The following GPATCH2 variants were observed in gnomAD, a reference collection of about 807,000 sequenced individuals.
GPATCH2 encodes the protein G-patch domain containing 2, also known as G patch domain-containing protein 2.
In GPATCH2, 51 loss-of-function variants were observed where a neutral mutation model predicts 58.0. The ratio of observed to expected loss-of-function variants is 0.88; its 90% CI spans 0.70 to 1.11. The LOEUF is 1.11. Among genes scored for constraint, GPATCH2 ranks in the 50% most tolerant of loss-of-function variants. GPATCH2 has a pLI of 0.00. For synonymous variants in GPATCH2, 222 were observed against 218.5 expected (o/e 1.02, Z -0.14); for missense variants, 625 against 652.2 (o/e 0.96, Z 0.45).
At chr1:217,447,576 G>A (rs1209120146) in intron 9 of GPATCH2, among the ~76,000 whole-genome samples, 1 of 152,096 alleles carries the variant, frequency 6.6e-6, no homozygotes, top group Non-Finnish European at 1.5e-5. Flanking sequence ...TACACAGTAG[G>A]TACTCAACAA....
intron 5 of GPATCH2, among the ~76,000 whole-genome samples, chr1:217,600,949 AC>A (rs774846001): frequency 3.3e-5 from 5 of 152,194 alleles, no homozygotes; most frequent in Non-Finnish European, 7.4e-5. Context: ...TCCATAGATC[AC>A]ATATATCTCG....
intron 5 of GPATCH2, among the ~76,000 whole-genome samples, chr1:217,522,455 T>C (rs1482680060): frequency 1.3e-5 from 2 of 152,138 alleles, no homozygotes; most frequent in East Asian, 3.9e-4. Flanking sequence ...CCGTCCAGTT[T>C]TAGTAACAAG....
chr1:217,579,528 T>C (rs1666960846), intron 5 of GPATCH2, among the ~76,000 whole-genome samples: 2 of 152,178 alleles, frequency 1.3e-5, no homozygotes, highest in Admixed American at 6.6e-5. Context: ...ATGTTCAAAC[T>C]GCAGCAGTAA....
intron 8 of GPATCH2, among the ~76,000 whole-genome samples, chr1:217,482,129 G>A (rs1010499274): frequency 6.6e-6 from 1 of 152,106 alleles, no homozygotes; most frequent in South Asian, 2.1e-4. Flanking sequence ...TGGAAGTCAG[G>A]CACCTCAGTT....
intron 9 of GPATCH2, among the ~76,000 whole-genome samples, chr1:217,434,581 C>A (rs1306566478): frequency 6.6e-6 from 1 of 152,188 alleles, no homozygotes; most frequent in Non-Finnish European, 1.5e-5. Context: ...TCTATTGCTG[C>A]TCTGGGCTAT....
At chr1:217,474,167 A>G (rs1044301650) in intron 8 of GPATCH2, among the ~76,000 whole-genome samples, 1 of 152,220 alleles carries the variant, frequency 6.6e-6, no homozygotes, top group African/African-American at 2.4e-5. Context: ...ATAGTGAAGC[A>G]TGAGAAGCAA....
intron 5 of GPATCH2, among the ~76,000 whole-genome samples, chr1:217,563,464 A>T (rs906489480): frequency 1.3e-5 from 2 of 152,154 alleles, no homozygotes; most frequent in Admixed American, 1.3e-4. Context: ...GAGACAGAAA[A>T]AACCTAGAGG....
intron 9 of GPATCH2, among the ~76,000 whole-genome samples, chr1:217,432,997 GA>G (rs1240305461): frequency 5.3e-5 from 8 of 152,102 alleles, no homozygotes; most frequent in African/African-American, 1.9e-4. Flanking sequence ...GACAGAGGTT[GA>G]AATGGTCAGC....
intron 1 of GPATCH2, among the ~76,000 whole-genome samples, chr1:217,623,225 C>T (rs1669288243): frequency 6.6e-6 from 1 of 151,918 alleles, no homozygotes; most frequent in African/African-American, 2.4e-5. Flanking sequence ...GGGTGAATGG[C>T]CAGTTCAAAA....
chr1:217,537,080 T>C (rs1227704306), intron 5 of GPATCH2, among the ~76,000 whole-genome samples: 1 of 152,212 alleles, frequency 6.6e-6, no homozygotes, highest in Non-Finnish European at 1.5e-5. Context: ...AAATTCAGTA[T>C]TTTCTCTAAA....
At chr1:217,571,519 A>G (rs907360261) in intron 5 of GPATCH2, among the ~76,000 whole-genome samples, 3 of 151,904 alleles carry the variant, frequency 2.0e-5, no homozygotes, top group African/African-American at 7.3e-5. Context: ...CATTAAAAAA[A>G]AAAAGCATAT....
chr1:217,491,094 C>A (rs776332785), intron 8 of GPATCH2, among the ~76,000 whole-genome samples: 1 of 152,146 alleles, frequency 6.6e-6, no homozygotes, highest in Non-Finnish European at 1.5e-5. Context: ...GGCAGTTTTT[C>A]TAATCAACAT....
intron 1 of GPATCH2, among the ~76,000 whole-genome samples, chr1:217,627,139 T>A (rs994639128): frequency 1.3e-5 from 2 of 152,100 alleles, no homozygotes; most frequent in Admixed American, 6.5e-5. Context: ...AAAATCTGCA[T>A]AATTTCTACC....
chr1:217,621,970 C>T (rs1165287760), intron 1 of GPATCH2, among the ~76,000 whole-genome samples: 2 of 152,216 alleles, frequency 1.3e-5, no homozygotes, highest in Non-Finnish European at 2.9e-5. Context: ...GCCGAAAGAT[C>T]TCTGTCACAA....
intron 5 of GPATCH2, among the ~76,000 whole-genome samples, chr1:217,544,177 T>C (rs1442733731): frequency 6.6e-6 from 1 of 152,136 alleles, no homozygotes; most frequent in Non-Finnish European, 1.5e-5. Context: ...GGCGGATCAC[T>C]CGAGGTCAAG....
At chr1:217,474,073 A>C (rs888471479) in intron 8 of GPATCH2, among the ~76,000 whole-genome samples, 5 of 152,208 alleles carry the variant, frequency 3.3e-5, no homozygotes, top group Non-Finnish European at 4.4e-5. Flanking sequence ...ATACTTTATT[A>C]GTAGAGAATA....
intron 8 of GPATCH2, among the ~76,000 whole-genome samples, chr1:217,472,204 A>G (rs1366519036): frequency 6.6e-6 from 1 of 152,190 alleles, no homozygotes; most frequent in Non-Finnish European, 1.5e-5. Context: ...AAGACTAATC[A>G]TAAGCATAAA....
At chr1:217,443,148 A>G (rs1294880810) in intron 9 of GPATCH2, among the ~76,000 whole-genome samples, 1 of 152,158 alleles carries the variant, frequency 6.6e-6, no homozygotes, top group Non-Finnish European at 1.5e-5. Context: ...CTTTTAGTAC[A>G]CGCTCAACAA....
At chr1:217,569,759 G>A (rs1407617154) in intron 5 of GPATCH2, among the ~76,000 whole-genome samples, 1 of 152,048 alleles carries the variant, frequency 6.6e-6, no homozygotes, top group Non-Finnish European at 1.5e-5. Flanking sequence ...ACACGATATG[G>A]AATGAAGCCA....
Sources: allele counts gnomAD v4.1 joint callset (sites outside exome capture counted in the v4.1 genomes callset), GRCh38; gene constraint gnomAD v4.1.1; transcripts MANE v1.5; gene names NCBI Gene and HGNC (gene_info 2026-07-23, HGNC 2026-07-21).